The following CHD6 variants were observed in gnomAD, a reference collection of about 807,000 sequenced individuals.
The protein encoded by CHD6 is ATP-dependent chromatin remodeler CHD6.
CHD6 carries 50 observed loss-of-function variants against 276.9 expected under a neutral mutation model. The ratio of observed to expected loss-of-function variants is 0.18; its 90% CI spans 0.14 to 0.23. CHD6 has a LOEUF of 0.23. CHD6 is among the 10% of genes least tolerant of loss of function. CHD6 has a pLI of 1.00. For missense variants in CHD6, 2,564 were observed against 3,365.8 expected (o/e 0.76, Z 5.89); for synonymous variants, 1,173 against 1,229.3 (o/e 0.95, Z 0.96).
intron 16 of CHD6, among the ~76,000 whole-genome samples, chr20:41,475,426 A>C (rs2043147311): frequency 6.6e-6 from 1 of 152,190 alleles, no homozygotes; most frequent in African/African-American, 2.4e-5. Context: ...AGGTTTTCCT[A>C]AACACTTAAG....
At chr20:41,415,005 AAT>A (rs2046949703) in intron 34 of CHD6, 179 bp downstream of exon 34, 18 of 1,433,166 alleles carry the variant, frequency 1.3e-5, no homozygotes, top group Non-Finnish European at 1.6e-5. Flanking sequence ...AAGCGCCATT[AAT>A]GAGTTAGTAA....
chr20:41,518,462 G>A (rs1481956672), intron 3 of CHD6, among the ~76,000 whole-genome samples: 1 of 152,122 alleles, frequency 6.6e-6, no homozygotes, highest in Non-Finnish European at 1.5e-5. Context: ...GAAAGGAGGG[G>A]GGAATCATGG....
intron 24 of CHD6, among the ~76,000 whole-genome samples, chr20:41,446,747 C>T (rs868137421): frequency 6.6e-6 from 1 of 152,176 alleles, no homozygotes; most frequent in Non-Finnish European, 1.5e-5. Flanking sequence ...GGATGAACTG[C>T]TGTTCATGCC....
intron 17 of CHD6, among the ~76,000 whole-genome samples, chr20:41,464,264 C>A (rs2042868621): frequency 6.6e-6 from 1 of 152,074 alleles, no homozygotes; most frequent in Non-Finnish European, 1.5e-5. Context: ...ATTGATGTTT[C>A]CCCCTATTAA....
rs757113651 is a variant in CHD6 at position 41,457,463 on chromosome 20, C to T, written c.2665-35G>A. ...AGAAGAGTCATATGCATCACGTCAC[C>T]GTATGTATAAACGGCAGCAACCCTG... On this transcript the variant is annotated intron_variant, in intron 17 of 36. Transcript: ENST00000373233. 3.3e-5 allele frequency: 53 copies of T among 1,590,126 alleles called. No homozygotes were observed. The East Asian group carries it at 3.6e-4, about 11-fold the overall frequency.
intron 4 of CHD6, 109 bp from the exon 5 acceptor site, chr20:41,513,104 C>T: frequency 8.4e-7 from 1 of 1,184,266 alleles, no homozygotes; most frequent in Non-Finnish European, 1.2e-6. Flanking sequence ...GCTTTCTTGC[C>T]TTACAAAAGA....
rs768649199 is a variant in CHD6, at chr20:41,457,376, C to T, written c.2717G>A (p.Arg906His). 1.3e-5 allele frequency: 21 copies of T among 1,613,952 alleles called. No homozygotes were observed. Among genetic ancestry groups the T allele is most frequent in the South Asian group, 3.3e-5 (3 of 91,080 alleles). The change falls in exon 18 of 37, where the codon CGC (arginine) becomes CAC (histidine). Residue 906 changes from arginine to histidine, a missense_variant. This residue lies in a region of CHD6 where 457 missense variants were observed against 889.0 expected (regional missense o/e 0.51). Transcript: ENST00000373233. ...IGQSKAVKVY[R>H]LITRNSYERE... is the part of the protein sequence containing the mutation. ...CTCGTAGGAATTTCGAGTGATGAGG[C>T]GATACACCTTCACAGCTTTGCTCTG...
Position 41,451,979 on chromosome 20 carries a change from G to A in CHD6, c.3370C>T (p.His1124Tyr). 1 of 1,614,126 alleles carries A rather than the reference G, an allele frequency of 6.2e-7. No homozygotes were observed. The highest frequency in any genetic ancestry group is 1.1e-5 in the South Asian group (1 of 91,084). ...ATCTCCATGTCCTTCTCGTTCAGAT[G>A]CCACTTGAATCGGCCATGAGTCAGG... The part of the protein sequence containing the change: ...DILTHGRFKW[H>Y]LNEKDMEMIC... The change falls in exon 22 of 37, where the codon CAT becomes TAT. Residue 1124 changes from histidine to tyrosine, a missense_variant. By Grantham distance (83) the His-to-Tyr change is moderately conservative. This residue lies in a region of CHD6 where 515 missense variants were observed against 739.5 expected (regional missense o/e 0.70). Coordinates refer to ENST00000373233, the MANE Select transcript of CHD6 (RefSeq NM_032221.5).
intron 1 of CHD6, among the ~76,000 whole-genome samples, chr20:41,596,736 A>G (rs1336305429): frequency 1.3e-5 from 2 of 152,230 alleles, no homozygotes; most frequent in Non-Finnish European, 2.9e-5. Flanking sequence ...GACTCAAGGA[A>G]CAGATGAGAA....
chr20:41,459,955 T>A (rs73611278), intron 17 of CHD6, among the ~76,000 whole-genome samples: 3,369 of 152,336 alleles, frequency 0.022, 46 homozygotes, highest in South Asian at 0.04. Context: ...ACAGACTTGT[T>A]CAATGGCTTT....
At chr20:41,543,044 C>A (rs1220763222) in intron 2 of CHD6, among the ~76,000 whole-genome samples, 1 of 146,434 alleles carries the variant, frequency 6.8e-6, no homozygotes, top group Non-Finnish European at 1.5e-5. Flanking sequence ...GTGGAGATTG[C>A]GGTGAGCCAA....
At chr20:41,572,070 T>C (rs1375804164) in intron 1 of CHD6, among the ~76,000 whole-genome samples, 2 of 152,240 alleles carry the variant, frequency 1.3e-5, no homozygotes, top group Non-Finnish European at 2.9e-5. Flanking sequence ...CTCTTATATT[T>C]GGCTTCTGTG....
At chr20:41,565,995 T>A (rs2045351592) in intron 1 of CHD6, among the ~76,000 whole-genome samples, 2 of 152,160 alleles carry the variant, frequency 1.3e-5, no homozygotes, top group Admixed American at 1.3e-4. Flanking sequence ...CAGGAAGAGC[T>A]GGCTCCATGG....
At chr20:41,445,644 C>T (rs367554684) in intron 25 of CHD6, 21 bp downstream of exon 25, 32 of 1,527,624 alleles carry the variant, frequency 2.1e-5, no homozygotes, top group African/African-American at 1.6e-4. Flanking sequence ...CAGAAGGGAA[C>T]GCCTTCAGAG....
chr20:41,617,924 C>T (rs2045950291), intron 1 of CHD6, among the ~76,000 whole-genome samples: 1 of 147,184 alleles, frequency 6.8e-6, no homozygotes, highest in African/African-American at 2.4e-5. Context: ...CGGCTGGGCC[C>T]GGGGGTCCCA....
intron 1 of CHD6, among the ~76,000 whole-genome samples, chr20:41,591,314 A>G (rs1268160128): frequency 6.6e-6 from 1 of 151,616 alleles, no homozygotes; most frequent in Non-Finnish European, 1.5e-5. Flanking sequence ...TACCTATGTA[A>G]CAAACCTGCA....
At chr20:41,464,505 T>G (rs191486217) in intron 17 of CHD6, among the ~76,000 whole-genome samples, 2 of 152,324 alleles carry the variant, frequency 1.3e-5, no homozygotes, top group African/African-American at 4.8e-5. Context: ...GATAACAAGG[T>G]CCAGGCTTCA....
intron 1 of CHD6, among the ~76,000 whole-genome samples, chr20:41,567,602 C>G (rs73613210): frequency 0.022 from 3,330 of 150,658 alleles, 42 homozygotes; most frequent in South Asian, 0.039. Flanking sequence ...GGTTCAGGTA[C>G]TGATGAAAAA....
intron 27 of CHD6, among the ~76,000 whole-genome samples, chr20:41,433,927 A>G (rs575224421): frequency 1.1e-4 from 16 of 152,338 alleles, no homozygotes; most frequent in African/African-American, 3.4e-4. Context: ...AACACCTAGA[A>G]GCATTAAAAA....
Sources: allele counts gnomAD v4.1 joint callset (sites outside exome capture counted in the v4.1 genomes callset), GRCh38; gene constraint gnomAD v4.1.1; regional missense constraint gnomAD v4.1.1; transcripts MANE v1.5; gene names NCBI Gene and HGNC (gene_info 2026-07-23, HGNC 2026-07-21).